Variants in IQCM observed in about 807,000 individuals in gnomAD.
IQCM encodes the protein IQ domain-containing protein M.
IQCM carries 45 observed loss-of-function variants against 57.6 expected under a neutral mutation model. That is an observed-to-expected ratio of 0.78 (90% CI 0.62 to 1.00). IQCM has a LOEUF of 1.00. Among genes scored for constraint, IQCM ranks in the 50% least tolerant of loss-of-function variants. The probability of loss-of-function intolerance (pLI) is 0.00; values close to 1 mark genes in which losing one functional copy is unlikely to be tolerated. For missense variants in IQCM, 468 were observed against 511.6 expected (o/e 0.91, Z 0.82); for synonymous variants, 148 against 158.9 (o/e 0.93, Z 0.51).
chr4:149,534,854 A>T (rs536053569), intron 12 of IQCM, among the ~76,000 whole-genome samples: 26 of 152,202 alleles, frequency 1.7e-4, no homozygotes, highest in East Asian at 9.6e-4. Context: ...TAACCTTTTT[A>T]AAAAAAGGAA....
intron 12 of IQCM, among the ~76,000 whole-genome samples, chr4:149,539,203 A>G (rs1747602548): frequency 1.3e-5 from 2 of 152,192 alleles, no homozygotes; most frequent in African/African-American, 2.4e-5. Flanking sequence ...ATATTTATAC[A>G]AAGAAATCTC....
At chr4:149,638,746 G>A (rs1036555211) in intron 7 of IQCM, among the ~76,000 whole-genome samples, 4 of 152,128 alleles carry the variant, frequency 2.6e-5, no homozygotes, top group Admixed American at 1.3e-4. Context: ...TATCTAAATA[G>A]CAACTGCTGA....
chr4:149,730,858 G>A (rs1766393227), intron 5 of IQCM, among the ~76,000 whole-genome samples: 1 of 152,144 alleles, frequency 6.6e-6, no homozygotes, highest in Non-Finnish European at 1.5e-5. Flanking sequence ...AAGGGAAGCA[G>A]CATATCTTTT....
At chr4:149,386,239 C>A (rs562371604) in intron 13 of IQCM, among the ~76,000 whole-genome samples, 2 of 152,144 alleles carry the variant, frequency 1.3e-5, no homozygotes, top group East Asian at 3.9e-4. Context: ...GTGTCATGTA[C>A]TTCAATGGAT....
rs1029428161 is a variant in IQCM at position 149,619,719 on chromosome 4, C to G, written c.681+1410G>C. Among the ~76,000 whole-genome samples, 145 of 152,078 alleles carry G rather than the reference C, an allele frequency of 9.5e-4. 1 individual carries two copies. The highest frequency in any genetic ancestry group is 5.0e-4 in the Non-Finnish European group (34 of 67,978). On this transcript the variant is annotated intron_variant, in intron 8 of 13. Transcript: ENST00000636793. ...ATGATGTTATGGACTAAATTGTGTCCCTTTGAAATTCATATGTAGAAGTTC... is the reference window on the plus strand; with the variant it reads ...ATGATGTTATGGACTAAATTGTGTCGCTTTGAAATTCATATGTAGAAGTTC...
chr4:149,369,132 C>A (rs1730186805), intron 13 of IQCM, among the ~76,000 whole-genome samples: 1 of 149,068 alleles, frequency 6.7e-6, no homozygotes, highest in South Asian at 2.1e-4. Flanking sequence ...GTGACGTCTA[C>A]CTCATGAGTT....
chr4:149,647,575 TG>T (rs2150126987), intron 7 of IQCM, among the ~76,000 whole-genome samples: 1 of 152,108 alleles, frequency 6.6e-6, no homozygotes, highest in South Asian at 2.1e-4. Context: ...GTTCTTCCTT[TG>T]GAAATAATTT....
At chr4:149,566,615 A>C (rs1750658523) in intron 9 of IQCM, among the ~76,000 whole-genome samples, 1 of 152,218 alleles carries the variant, frequency 6.6e-6, no homozygotes, top group African/African-American at 2.4e-5. Context: ...GCTGTAGCTA[A>C]TATGAGTGAT....
At chr4:149,473,917 T>C (rs1418389828) in intron 12 of IQCM, among the ~76,000 whole-genome samples, 2 of 152,024 alleles carry the variant, frequency 1.3e-5, no homozygotes, top group African/African-American at 2.4e-5. Flanking sequence ...GAGTTGGGAA[T>C]TGAACAATGA....
chr4:149,403,879 T>G (rs1416385183), intron 13 of IQCM, among the ~76,000 whole-genome samples: 3 of 152,056 alleles, frequency 2.0e-5, no homozygotes, highest in Non-Finnish European at 2.9e-5. Context: ...ATTTTTCATT[T>G]TTTAAATATT....
intron 12 of IQCM, among the ~76,000 whole-genome samples, chr4:149,535,614 T>C (rs1747212892): frequency 6.6e-6 from 1 of 152,088 alleles, no homozygotes; most frequent in Admixed American, 6.6e-5. Flanking sequence ...TTAAAGATGG[T>C]TATTTTCTAC....
At chr4:149,618,241 T>G (rs1169787814) in intron 8 of IQCM, among the ~76,000 whole-genome samples, 1 of 151,948 alleles carries the variant, frequency 6.6e-6, no homozygotes, top group Non-Finnish European at 1.5e-5. Context: ...AATTAAAAAA[T>G]ACATTGGGAA....
At chr4:149,355,349 C>T (rs1229059009) in intron 13 of IQCM, among the ~76,000 whole-genome samples, 1 of 151,348 alleles carries the variant, frequency 6.6e-6, no homozygotes, top group Non-Finnish European at 1.5e-5. Flanking sequence ...CCCATTAACT[C>T]ATCATTTAGC....
intron 10 of IQCM, 58 bp downstream of exon 10, chr4:149,563,634 C>G: frequency 9.0e-7 from 1 of 1,113,944 alleles, no homozygotes; most frequent in Non-Finnish European, 1.1e-6. Flanking sequence ...CAAAATTCTA[C>G]TGAATTGAAT....
At position 149,602,172 on chromosome 4, in the gene IQCM, T is replaced by C. The variant is rs1265704218; in HGVS notation, c.682-14175A>G. Among the ~76,000 whole-genome samples the C allele has an allele frequency of 2.0e-5, 3 of 152,152 alleles. No homozygotes were observed. The East Asian group carries it at 5.8e-4, about 29-fold the overall frequency. ...CATGCTATTTACATCATATTATGTA[T>C]TATAAGTAAGCTAGAGATGATGTAA... is the stretch of plus-strand genomic sequence containing the variant. On this transcript the variant is annotated intron_variant, in intron 8 of 13. Transcript: ENST00000636793.
intron 12 of IQCM, among the ~76,000 whole-genome samples, chr4:149,470,631 C>T (rs2149727605): frequency 6.6e-6 from 1 of 152,310 alleles, no homozygotes; most frequent in Non-Finnish European, 1.5e-5. Context: ...ACCTAATAGA[C>T]ATCCACAAAA....
chr4:149,500,522 T>C (rs959748321), intron 12 of IQCM, among the ~76,000 whole-genome samples: 1 of 152,156 alleles, frequency 6.6e-6, no homozygotes, highest in Non-Finnish European at 1.5e-5. Context: ...GAACACATCC[T>C]ACCTTAAATT....
At chr4:149,392,820 T>C (rs557259945) in intron 13 of IQCM, among the ~76,000 whole-genome samples, 1 of 152,122 alleles carries the variant, frequency 6.6e-6, no homozygotes, top group Non-Finnish European at 1.5e-5. Flanking sequence ...AAATTTTAAA[T>C]ATATATGAGA....
intron 2 of IQCM, among the ~76,000 whole-genome samples, chr4:149,769,249 T>C (rs1352380156): frequency 2.0e-5 from 3 of 152,054 alleles, no homozygotes; most frequent in Non-Finnish European, 4.4e-5. Flanking sequence ...CAAGTCCTCC[T>C]GAACACGTAG....
Sources: allele counts gnomAD v4.1 joint callset (sites outside exome capture counted in the v4.1 genomes callset), GRCh38; gene constraint gnomAD v4.1.1; transcripts MANE v1.5; gene names NCBI Gene and HGNC (gene_info 2026-07-23, HGNC 2026-07-21).